PELP1: variants seen among roughly 807,000 people sequenced by gnomAD.
PELP1 encodes proline-, glutamic acid- and leucine-rich protein 1.
In PELP1, 32 loss-of-function variants were observed where a neutral mutation model predicts 95.5. The ratio of observed to expected loss-of-function variants is 0.34; its 90% CI spans 0.25 to 0.45. PELP1 has a LOEUF of 0.45. PELP1 is among the 20% of genes least tolerant of loss of function. The pLI, the probability that PELP1 is intolerant of heterozygous loss-of-function variation, is 1.00. For missense variants in PELP1, 1,358 were observed against 1,444.8 expected (o/e 0.94, Z 0.97); for synonymous variants, 668 against 600.1 (o/e 1.11, Z -1.65).
chr17:4,690,910 C>T lies in PELP1; in HGVS notation c.398G>A (p.Arg133Gln), dbSNP rs763845459. The change falls in exon 3 of 17, where the codon CGG (arginine) becomes CAG (glutamine). Residue 133 changes from arginine (R) to glutamine (Q), a missense_variant. Around this residue, in one of 7 missense-constraint regions of PELP1, gnomAD observed 538 missense variants for 628.1 expected, o/e 0.86. Coordinates refer to ENST00000572293, the MANE Select transcript of PELP1 (RefSeq NM_014389.3). ...CACCTGTAACACCTGCTGAATGCTC[C>T]GAAGCCAAGACACACAGTGCTGCTG... ...LFQQHCVSWLRSIQQVLQTQD... is the reference protein window; with the variant it reads ...LFQQHCVSWLQSIQQVLQTQD... The T allele has an allele frequency of 3.1e-6, 5 of 1,613,320 alleles. No homozygotes were observed. The Admixed American group carries it at 8.3e-5, about 27-fold the overall frequency.
At chr17:4,680,512 A>G (rs1912648093) in intron 5 of PELP1, among the ~76,000 whole-genome samples, 1 of 152,160 alleles carries the variant, frequency 6.6e-6, no homozygotes, top group South Asian at 2.1e-4. Flanking sequence ...TCCTGAGCTC[A>G]TGCAATCTGC....
chr17:4,694,103 G>A (rs887412596), intron 1 of PELP1, among the ~76,000 whole-genome samples: 1 of 152,100 alleles, frequency 6.6e-6, no homozygotes, highest in African/African-American at 2.4e-5. Flanking sequence ...AGTGAAAGAA[G>A]CCAAACCCAA....
chr17:4,701,550 C>T (rs1179913045), intron 1 of PELP1, among the ~76,000 whole-genome samples: 1 of 152,218 alleles, frequency 6.6e-6, no homozygotes, highest in Non-Finnish European at 1.5e-5. Context: ...ATACTCCAAG[C>T]TAGATATGGA....
intron 13 of PELP1, among the ~76,000 whole-genome samples, chr17:4,674,064 C>T (rs1206573837): frequency 1.3e-5 from 2 of 152,254 alleles, no homozygotes; most frequent in East Asian, 3.9e-4. Context: ...GCAGGGAGCT[C>T]CCCCAGGCAG....
chr17:4,679,509 A>C (rs1172378352), intron 5 of PELP1, among the ~76,000 whole-genome samples: 1 of 152,174 alleles, frequency 6.6e-6, no homozygotes. Context: ...AGTAACACTC[A>C]ATTTCCCCTC....
intron 3 of PELP1, among the ~76,000 whole-genome samples, chr17:4,684,359 T>C (rs1912830978): frequency 6.6e-6 from 1 of 152,156 alleles, no homozygotes; most frequent in Non-Finnish European, 1.5e-5. Flanking sequence ...ACCTTGCCCA[T>C]AACTTCACAG....
chr17:4,686,446 C>A (rs1337275948), intron 3 of PELP1, among the ~76,000 whole-genome samples: 1 of 152,214 alleles, frequency 6.6e-6, no homozygotes, highest in East Asian at 1.9e-4. Context: ...TAGCAGCCAT[C>A]TACATAGAGT....
chr17:4,693,527 C>T (rs1162968621), intron 1 of PELP1, among the ~76,000 whole-genome samples: 1 of 152,182 alleles, frequency 6.6e-6, no homozygotes, highest in Non-Finnish European at 1.5e-5. Context: ...AATATGCCAG[C>T]ATCTCTACTC....
chr17:4,687,538 C>G (rs910702180), intron 3 of PELP1, among the ~76,000 whole-genome samples: 7 of 145,916 alleles, frequency 4.8e-5, no homozygotes, highest in African/African-American at 1.8e-4. Flanking sequence ...TCAACTAGAA[C>G]AGGAATCAGT....
intron 13 of PELP1, among the ~76,000 whole-genome samples, chr17:4,674,223 C>T (rs1035059503): frequency 2.0e-5 from 3 of 152,262 alleles, no homozygotes; most frequent in Non-Finnish European, 2.9e-5. Context: ...CCAGAGCTCC[C>T]GGTCTAACCG....
At position 4,672,288 on chromosome 17, in the gene PELP1, CTCTTCTTCT is replaced by C. The variant is rs559608745; in HGVS notation, c.2694_2702del (p.Glu906_Glu908del). On this transcript the variant is annotated inframe_deletion, in exon 16 of 17. Coordinates refer to ENST00000572293, the MANE Select transcript of PELP1 (RefSeq NM_014389.3). ...AGTCTTCCTCCTCTTCCTCTTCTTC[CTCTTCTTCT>C]TCTTCCTCTTCTTCCTCTTCCTCCT... The C allele has an allele frequency of 5.8e-5, 90 of 1,549,338 alleles. No homozygotes were observed. Among genetic ancestry groups the C allele is most frequent in the South Asian group, 5.2e-4 (44 of 83,846 alleles).
rs1486934641 is a variant in PELP1, at chr17:4,674,817, C to T, written c.1414G>A (p.Ala472Thr). The change falls in exon 12 of 17, where the codon GCC (alanine) becomes ACC (threonine). Residue 472 changes from alanine to threonine, a missense_variant. Ala to Thr is a moderately conservative substitution (Grantham distance 58, BLOSUM62 0). Coordinates refer to ENST00000572293, the MANE Select transcript of PELP1 (RefSeq NM_014389.3). ...AGCTGAGGCCTCCTCACCTTAAGGG[C>T]ATCAGCTGGCGGGGAGATGTCGCTG... Reference protein sequence around the residue: ...LLSDISPPADALKLRSPRGSP... With the variant: ...LLSDISPPADTLKLRSPRGSP... 5.0e-6 allele frequency: 8 copies of T among 1,611,696 alleles called. No homozygotes were observed. The highest frequency in any genetic ancestry group is 2.2e-5 in the East Asian group (1 of 44,854).
chr17:4,692,474 AAAAAAG>A, intron 1 of PELP1, among the ~76,000 whole-genome samples: 1 of 152,098 alleles, frequency 6.6e-6, no homozygotes, highest in Non-Finnish European at 1.5e-5. Flanking sequence ...CTCAAAAAAA[AAAAAAG>A]AAAATATTTA....
intron 3 of PELP1, among the ~76,000 whole-genome samples, chr17:4,687,272 T>C (rs1018891973): frequency 1.2e-4 from 18 of 152,308 alleles, no homozygotes; most frequent in African/African-American, 2.9e-4. Context: ...TCGCTGGGTG[T>C]GGTGGCTCAC....
At position 4,676,180 on chromosome 17, in the gene PELP1, ACC is replaced by A. The variant is rs1320238570; in HGVS notation, c.854-20_854-19del. On this transcript the variant is annotated intron_variant, in intron 7 of 16. Coordinates refer to ENST00000572293, the MANE Select transcript of PELP1 (RefSeq NM_014389.3). ...CACAGGAGCTGGCAGAAGCACAACT[ACC>A]CTGTACACTGTCTTTCTTCCATCCC... 3 of 1,611,860 alleles carry A rather than the reference ACC, an allele frequency of 1.9e-6. No individual in the cohort carries two copies. The highest frequency in any genetic ancestry group is 4.5e-5 in the East Asian group (2 of 44,864).
Position 4,673,362 on chromosome 17 carries a change from T to C in PELP1, c.1733A>G (p.Glu578Gly). Residue 578 changes from glutamate (E) to glycine (G), a missense_variant, in exon 15 of 17, where the codon GAA (glutamate) becomes GGA (glycine). By Grantham distance (98) the Glu-to-Gly change is moderately conservative. Transcript: ENST00000572293. This position sits in a 1 kb window ranked among gnomAD's most constrained non-coding sequence, Gnocchi z 5.7. ...SPYTSSRCRR[E>G]LYCLLLALLL... ...CAGCGCCAGCAGCAGGCAGTAGAGTTCACGGCGGCAGCGGGAGCTCGTGTA... is the reference window on the plus strand; with the variant it reads ...CAGCGCCAGCAGCAGGCAGTAGAGTCCACGGCGGCAGCGGGAGCTCGTGTA... 6.3e-7 allele frequency: 1 copy of C among 1,596,584 alleles called. No individual in the cohort carries two copies. The highest frequency in any genetic ancestry group is 1.1e-5 in the South Asian group (1 of 88,296).
At chr17:4,680,352 A>C (rs1285442658) in intron 5 of PELP1, among the ~76,000 whole-genome samples, 1 of 152,048 alleles carries the variant, frequency 6.6e-6, no homozygotes, top group African/African-American at 2.4e-5. Context: ...ATCTCGGCTC[A>C]TGGCAACCTC....
chr17:4,702,933 C>T (rs950312535), intron 1 of PELP1, among the ~76,000 whole-genome samples: 1 of 151,922 alleles, frequency 6.6e-6, no homozygotes, highest in Non-Finnish European at 1.5e-5. Context: ...AGAATGGGAG[C>T]AATGAGAAAG....
intron 3 of PELP1, among the ~76,000 whole-genome samples, chr17:4,684,052 C>T (rs1375959597): frequency 6.6e-6 from 1 of 151,912 alleles, no homozygotes; most frequent in African/African-American, 2.4e-5. Flanking sequence ...TGCTAACTGG[C>T]TCAAACCCAC....
Sources: gnomAD v4.1 joint callset for allele counts (sites outside exome capture counted in the v4.1 genomes callset) on GRCh38, gnomAD v4.1.1 for gene constraint, gnomAD v4.1.1 regional missense constraint, Gnocchi (gnomAD v3.1) non-coding constraint, MANE v1.5 for transcripts, NCBI Gene and HGNC (gene_info 2026-07-23, HGNC 2026-07-21) for gene names.